PHF2: variants seen among roughly 807,000 people sequenced by gnomAD.
PHF2 encodes PHD finger protein 2, also known as lysine-specific demethylase PHF2.
In PHF2, 27 loss-of-function variants were observed where a neutral mutation model predicts 120.5. The observed-to-expected ratio is 0.22, with a 90% CI of 0.17 to 0.31. The LOEUF is 0.31. PHF2 is among the 10% of genes least tolerant of loss of function. PHF2 has a pLI of 1.00. For missense variants in PHF2, 1,024 were observed against 1,434.8 expected (o/e 0.71, Z 4.63); for synonymous variants, 568 against 592.5 (o/e 0.96, Z 0.60).
At position 93,656,823 on chromosome 9, in the gene PHF2, C is replaced by T. The variant is rs528651778; in HGVS notation, c.1147+228C>T. 3.3e-5 allele frequency among the ~76,000 whole-genome samples: 5 copies of T among 152,282 alleles called. No individual in the cohort carries two copies. Among genetic ancestry groups the T allele is most frequent in the East Asian group, 3.9e-4 (2 of 5,162 alleles). ...GATTGGACTGTCCCTTGTTTTAGAA[C>T]GAACACTGGGCTGTGGGTTGAGAGG... On this transcript the variant is annotated intron_variant, in intron 9 of 21. Coordinates refer to ENST00000359246, the MANE Select transcript of PHF2 (RefSeq NM_005392.4). The surrounding 1 kb of genome is among the most constrained non-coding windows in gnomAD (Gnocchi z 4.1).
intron 9 of PHF2, among the ~76,000 whole-genome samples, chr9:93,657,678 G>C (rs1587711065): frequency 6.6e-6 from 1 of 152,178 alleles, no homozygotes; most frequent in African/African-American, 2.4e-5. Context: ...ATGGGAAGAG[G>C]GAGGGGAGGC....
At chr9:93,613,520 A>G (rs1304301648) in intron 1 of PHF2, among the ~76,000 whole-genome samples, 2 of 150,128 alleles carry the variant, frequency 1.3e-5, no homozygotes, top group African/African-American at 2.4e-5. Context: ...CTGACTCAGT[A>G]GGTCCCGGTG....
chr9:93,597,413 C>T (rs1303650010), intron 1 of PHF2, among the ~76,000 whole-genome samples: 1 of 152,068 alleles, frequency 6.6e-6, no homozygotes, highest in East Asian at 1.9e-4. Flanking sequence ...GGCCACTGGG[C>T]TTGGAGGGAG....
chr9:93,592,077 A>G (rs1292734669), intron 1 of PHF2, among the ~76,000 whole-genome samples: 2 of 152,090 alleles, frequency 1.3e-5, no homozygotes, highest in East Asian at 3.9e-4. Flanking sequence ...TTAACCAGGG[A>G]CACCTTGGTC....
chr9:93,632,064 A>T (rs2001316), intron 2 of PHF2, among the ~76,000 whole-genome samples: 3 of 151,878 alleles, frequency 2.0e-5, no homozygotes, highest in African/African-American at 7.3e-5. Context: ...TGATTTCTCT[A>T]ATGTCCCCAG....
chr9:93,618,844 G>T (rs111937223), intron 1 of PHF2, among the ~76,000 whole-genome samples: 2 of 1,698 alleles, frequency 1.2e-3, no homozygotes, highest in Admixed American at 7.1e-3. Context: ...TGGTGTGTGT[G>T]TGTGCCTGTG....
intron 1 of PHF2, among the ~76,000 whole-genome samples, chr9:93,597,571 T>C (rs1293855826): frequency 3.3e-5 from 5 of 152,078 alleles, no homozygotes; most frequent in South Asian, 2.1e-4. Context: ...CAGTGGGACA[T>C]TGGTCCACAG....
Position 93,599,630 on chromosome 9 carries a change from C to T in PHF2, c.98+22759C>T, listed in dbSNP as rs563627406. On this transcript the variant is annotated intron_variant, in intron 1 of 21. Transcript: ENST00000359246. The stretch of plus-strand genomic sequence containing the variant: ...GCTCATGGGGGACTGGCCTCTCAGC[C>T]GAGATATTCGGTGGTTACCTGTGAG... 7.9e-5 allele frequency among the ~76,000 whole-genome samples: 12 copies of T among 152,356 alleles called. 1 individual carries two copies. The highest frequency in any genetic ancestry group is 5.2e-4 in the Admixed American group (8 of 15,310).
At chr9:93,607,204 T>C (rs1290119151) in intron 1 of PHF2, among the ~76,000 whole-genome samples, 1 of 152,200 alleles carries the variant, frequency 6.6e-6, no homozygotes, top group Non-Finnish European at 1.5e-5. Flanking sequence ...TACTTCTCCA[T>C]GTAAACTTCA....
At chr9:93,674,720 A>G (rs1452408998) in intron 18 of PHF2, among the ~76,000 whole-genome samples, 1 of 152,058 alleles carries the variant, frequency 6.6e-6, no homozygotes, top group Non-Finnish European at 1.5e-5. Flanking sequence ...GCCCCTCTGG[A>G]TAATCTCTGG....
chr9:93,627,492 A>ATTTTTTTT lies in PHF2; in HGVS notation c.99-2469_99-2462dup, dbSNP rs55647503. 7.1e-3 allele frequency among the ~76,000 whole-genome samples: 772 copies of ATTTTTTTT among 108,086 alleles called. 75 individuals carry two copies. The highest frequency in any genetic ancestry group is 0.019 in the African/African-American group (505 of 26,514). 70.9% of individuals were successfully genotyped at this position (108,086 alleles called of 152,430 possible). ...CAATTCAGACTCCTTTTATTTCAGG[A>ATTTTTTTT]TTTTTTTTTTTTTTTTGTCTAATTG... On this transcript the variant is annotated intron_variant, in intron 1 of 21. Transcript: ENST00000359246.
chr9:93,608,155 C>T (rs1276161341), intron 1 of PHF2, among the ~76,000 whole-genome samples: 1 of 152,058 alleles, frequency 6.6e-6, no homozygotes, highest in East Asian at 1.9e-4. Flanking sequence ...AGAGGGACAT[C>T]CTTGCCTTTT....
chr9:93,663,818 G>A (rs550373432), intron 14 of PHF2, among the ~76,000 whole-genome samples, 183 bp downstream of exon 14: 36 of 151,930 alleles, frequency 2.4e-4, no homozygotes, highest in Admixed American at 3.9e-4. Flanking sequence ...TGCACATCAC[G>A]TACCCCATAA....
intron 1 of PHF2, among the ~76,000 whole-genome samples, chr9:93,601,991 G>A (rs1359036289): frequency 6.6e-6 from 1 of 151,950 alleles, no homozygotes; most frequent in Non-Finnish European, 1.5e-5. Context: ...CCATCACACG[G>A]CCATCTGTCC....
intron 1 of PHF2, among the ~76,000 whole-genome samples, chr9:93,581,037 A>G (rs974910182): frequency 2.0e-5 from 3 of 152,110 alleles, no homozygotes; most frequent in Admixed American, 6.5e-5. Flanking sequence ...GAAGGGTCAC[A>G]TTCTGGAAGT....
At chr9:93,662,570 G>GGATA (rs1363633720) in intron 12 of PHF2, among the ~76,000 whole-genome samples, 33 of 143,346 alleles carry the variant, frequency 2.3e-4, no homozygotes, top group Non-Finnish European at 3.4e-4. Flanking sequence ...ATGGATGGAT[G>GGATA]GATGAACAAA....
intron 1 of PHF2, among the ~76,000 whole-genome samples, chr9:93,623,733 A>T (rs1268892028): frequency 6.6e-6 from 1 of 151,814 alleles, no homozygotes; most frequent in African/African-American, 2.4e-5. Flanking sequence ...TTTACACTTG[A>T]CTCTTTGGAG....
At chr9:93,593,882 C>T (rs1449068551) in intron 1 of PHF2, among the ~76,000 whole-genome samples, 1 of 152,210 alleles carries the variant, frequency 6.6e-6, no homozygotes, top group African/African-American at 2.4e-5. Flanking sequence ...GTTAAGATTA[C>T]GTTTTTCCTA....
At chr9:93,668,081 A>G (rs1022363965) in intron 17 of PHF2, among the ~76,000 whole-genome samples, 3 of 152,220 alleles carry the variant, frequency 2.0e-5, no homozygotes, top group African/African-American at 7.2e-5. Flanking sequence ...GATTGAAAAG[A>G]GCTTTTGCTA....
Sources: allele counts gnomAD v4.1 joint callset (sites outside exome capture counted in the v4.1 genomes callset), GRCh38; gene constraint gnomAD v4.1.1; non-coding constraint Gnocchi (gnomAD v3.1); transcripts MANE v1.5; gene names NCBI Gene and HGNC (gene_info 2026-07-23, HGNC 2026-07-21).